SLC30A8: variants seen among roughly 807,000 people sequenced by gnomAD.
SLC30A8 encodes the protein solute carrier family 30 member 8.
A neutral mutation model predicts 36.9 loss-of-function variants in SLC30A8; 27 were observed. The observed-to-expected ratio is 0.73, with a 90% CI of 0.54 to 1.01. The LOEUF (loss-of-function observed/expected upper bound fraction) is 1.01. Among genes scored for constraint, SLC30A8 ranks in the 50% least tolerant of loss-of-function variants. SLC30A8 has a pLI of 0.00. For missense variants in SLC30A8, 439 were observed against 452.0 expected (o/e 0.97, Z 0.26); for synonymous variants, 164 against 172.4 (o/e 0.95, Z 0.38).
chr8:117,068,691 C>T (rs779304589), intron 2 of SLC30A8, among the ~76,000 whole-genome samples: 1 of 152,104 alleles, frequency 6.6e-6, no homozygotes. Context: ...ATTCTCCTGC[C>T]TCAGCTGCCC....
At chr8:117,123,688 A>G (rs893088771) in intron 2 of SLC30A8, among the ~76,000 whole-genome samples, 1 of 152,178 alleles carries the variant, frequency 6.6e-6, no homozygotes, top group African/African-American at 2.4e-5. Context: ...GTATAATTCA[A>G]TGATTTTTAG....
chr8:116,989,925 A>C (rs1815573394), intron 1 of SLC30A8, among the ~76,000 whole-genome samples: 1 of 152,192 alleles, frequency 6.6e-6, no homozygotes, highest in Non-Finnish European at 1.5e-5. Context: ...CCAAAGCTAC[A>C]TCAGGTAAAA....
At chr8:117,010,633 C>T (rs371281626) in intron 1 of SLC30A8, among the ~76,000 whole-genome samples, 3 of 152,154 alleles carry the variant, frequency 2.0e-5, no homozygotes, top group Non-Finnish European at 2.9e-5. Flanking sequence ...AGTTTGTTCT[C>T]GCACTGCTAT....
At position 117,113,025 on chromosome 8, in the gene SLC30A8, C is replaced by T. The variant is rs550972524; in HGVS notation, c.-225-22255C>T. Among the ~76,000 whole-genome samples, 7 of 152,214 alleles carry T rather than the reference C, an allele frequency of 4.6e-5. No homozygotes were observed. In the Middle Eastern group the frequency reaches 0.014, roughly 296 times the overall value. On this transcript the variant is annotated intron_variant, in intron 2 of 10. Coordinates refer to the SLC30A8 transcript ENST00000427715. Reference sequence around the variant, plus strand: ...TATTTATCAAGCACCTACTATGTGCCAAGCAGTGAGGATATAAAGATGGTA... The same window carrying T: ...TATTTATCAAGCACCTACTATGTGCTAAGCAGTGAGGATATAAAGATGGTA...
At chr8:116,969,799 G>T (rs76370376) in intron 1 of SLC30A8, among the ~76,000 whole-genome samples, 2 of 152,208 alleles carry the variant, frequency 1.3e-5, no homozygotes. Context: ...TGATATACCT[G>T]TATATCAGTT....
chr8:116,970,770 A>AT (rs1395226514), intron 1 of SLC30A8, among the ~76,000 whole-genome samples: 1 of 151,980 alleles, frequency 6.6e-6, no homozygotes, highest in Non-Finnish European at 1.5e-5. Context: ...ATAGCCTCAG[A>AT]TGTTAGCTAT....
chr8:117,073,902 C>T (rs538509630), intron 2 of SLC30A8, among the ~76,000 whole-genome samples: 110 of 152,022 alleles, frequency 7.2e-4, no homozygotes, highest in African/African-American at 2.4e-3. Context: ...ATACGTGGGA[C>T]CTGACAGTCT....
At chr8:117,011,096 C>A (rs1194870115) in intron 1 of SLC30A8, among the ~76,000 whole-genome samples, 1 of 152,146 alleles carries the variant, frequency 6.6e-6, no homozygotes. Context: ...CTACTTCATC[C>A]TCAGGCTACA....
chr8:117,131,628 A>G (rs1053311957), upstream of SLC30A8, among the ~76,000 whole-genome samples: 18 of 152,082 alleles, frequency 1.2e-4, no homozygotes, highest in African/African-American at 4.3e-4. Flanking sequence ...TCCTTTTTCA[A>G]TAACCTTTAT....
At chr8:117,137,355 A>C (rs1821411630) in intron 1 of SLC30A8, among the ~76,000 whole-genome samples, 1 of 151,854 alleles carries the variant, frequency 6.6e-6, no homozygotes, top group African/African-American at 2.4e-5. Context: ...TCAGCTTTCT[A>C]TTTAAATGGT....
At chr8:117,016,496 A>G (rs1457982965) in intron 1 of SLC30A8, among the ~76,000 whole-genome samples, 2 of 152,148 alleles carry the variant, frequency 1.3e-5, no homozygotes, top group Non-Finnish European at 2.9e-5. Context: ...AAATAAATAC[A>G]TCTCTCTCAA....
chr8:117,156,268 A>G (rs1563632346), intron 3 of SLC30A8, among the ~76,000 whole-genome samples: 1 of 152,068 alleles, frequency 6.6e-6, no homozygotes, highest in Non-Finnish European at 1.5e-5. Context: ...GTCTTGAACT[A>G]TTGACCTCAG....
Position 117,163,411 on chromosome 8 carries a change from G to GTTT in SLC30A8, c.724-7_724-5dup. 1.3e-6 allele frequency: 2 copies of GTTT among 1,539,502 alleles called. No homozygotes were observed. The highest frequency in any genetic ancestry group is 8.9e-7 in the Non-Finnish European group (1 of 1,126,748). ...ATGAATTCAGTTAACCAAAATCCCT[G>GTTT]TTTTTTTTTCTAGCCAGAGTATAAA... is the stretch of plus-strand genomic sequence containing the variant. On this transcript the variant is annotated splice_polypyrimidine_tract_variant and intron_variant, in intron 5 of 7. Coordinates refer to ENST00000456015, the MANE Select transcript of SLC30A8 (RefSeq NM_173851.3).
chr8:117,064,154 G>T (rs1358967563), intron 2 of SLC30A8, among the ~76,000 whole-genome samples: 1 of 151,984 alleles, frequency 6.6e-6, no homozygotes, highest in African/African-American at 2.4e-5. Context: ...ATCATGCCTG[G>T]CTAATTTTTG....
chr8:116,971,425 A>G (rs1334504503), intron 1 of SLC30A8, among the ~76,000 whole-genome samples: 2 of 152,176 alleles, frequency 1.3e-5, no homozygotes, highest in Non-Finnish European at 1.5e-5. Flanking sequence ...ATTCTTTACT[A>G]CTTTCTTCCT....
chr8:117,160,118 C>T (rs534893217), intron 4 of SLC30A8, among the ~76,000 whole-genome samples: 39 of 152,254 alleles, frequency 2.6e-4, no homozygotes, highest in African/African-American at 7.2e-4. Flanking sequence ...ATAGAGATAT[C>T]GGAATTGCGA....
intron 1 of SLC30A8, among the ~76,000 whole-genome samples, chr8:116,978,739 T>A (rs1815145024): frequency 6.6e-6 from 1 of 152,196 alleles, no homozygotes; most frequent in African/African-American, 2.4e-5. Flanking sequence ...TCTGCATAGA[T>A]AATTATTTTC....
At chr8:117,097,396 CAAAAAAAAAAAA>C (rs1157294543) in intron 2 of SLC30A8, among the ~76,000 whole-genome samples, 1 of 25,048 alleles carries the variant, frequency 4.0e-5, no homozygotes, top group African/African-American at 1.1e-4. Flanking sequence ...GACTCCATCT[CAAAAAAAAAAAA>C]AAAAAAAAAA....
intron 2 of SLC30A8, among the ~76,000 whole-genome samples, chr8:117,067,940 G>A (rs1458979304): frequency 6.6e-6 from 1 of 152,154 alleles, no homozygotes; most frequent in African/African-American, 2.4e-5. Context: ...GACTATGGTG[G>A]TGCAGGGCAG....
Sources: allele counts gnomAD v4.1 joint callset (sites outside exome capture counted in the v4.1 genomes callset), GRCh38; gene constraint gnomAD v4.1.1; transcripts MANE v1.5; gene names NCBI Gene and HGNC (gene_info 2026-07-23, HGNC 2026-07-21).